Variants in HEBP1 observed in about 807,000 individuals in gnomAD.
HEBP1 encodes the protein heme binding protein 1.
In HEBP1, 13 loss-of-function variants were observed where a neutral mutation model predicts 20.4. That is an observed-to-expected ratio of 0.64 (90% CI 0.42 to 1.01). HEBP1 has a LOEUF of 1.01. HEBP1 is among the 50% of genes least tolerant of loss of function. The pLI is 0.00. For synonymous variants in HEBP1, 92 were observed against 90.7 expected (o/e 1.01, Z -0.08); for missense variants, 241 against 247.3 (o/e 0.97, Z 0.17).
rs771685474 is a variant in HEBP1, at chr12:13,000,239, A to AGGGCGGCAAGGCGGCGGGACGGCG, written c.-149_-126dup. ...CAGGGCGGCAGGGCGGCAGGGTGGC[A>AGGGCGGCAAGGCGGCGGGACGGCG]GGGCGGCAAGGCGGCGGGACGGCGA... On this transcript the variant is annotated 5_prime_UTR_variant, in exon 1 of 4. Transcript: ENST00000014930. 2,686 of 360,402 alleles carry AGGGCGGCAAGGCGGCGGGACGGCG rather than the reference A, an allele frequency of 7.5e-3. 24 individuals are homozygous for AGGGCGGCAAGGCGGCGGGACGGCG. Among genetic ancestry groups the AGGGCGGCAAGGCGGCGGGACGGCG allele is most frequent in the Non-Finnish European group, 9.6e-3 (1,954 of 204,168 alleles). 22.3% of individuals were successfully genotyped at this position (360,402 alleles called of 1,614,324 possible).
At chr12:12,982,518 C>T (rs1192650375) in intron 3 of HEBP1, among the ~76,000 whole-genome samples, 1 of 152,216 alleles carries the variant, frequency 6.6e-6, no homozygotes, top group Non-Finnish European at 1.5e-5. Flanking sequence ...TTCTTCCAAA[C>T]TTCTCTTTCT....
At position 12,986,649 on chromosome 12, in the gene HEBP1, G is replaced by A. The variant is rs1193250718; in HGVS notation, c.398+503C>T. The A allele has an allele frequency of 2.6e-5, 4 of 152,626 alleles. No homozygotes were observed. Among genetic ancestry groups the A allele is most frequent in the Non-Finnish European group, 5.8e-5 (4 of 68,378 alleles). The allele number at this position is 152,626 out of a possible 1,614,324, so 9.5% of individuals were successfully genotyped here. On this transcript the variant is annotated intron_variant, in intron 3 of 3. Transcript: ENST00000014930. The surrounding 1 kb of genome is among the most constrained non-coding windows in gnomAD (Gnocchi z 4.3). Reference sequence around the variant, plus strand: ...ACCCCACATGAAGTCCTGGAAACAGGACCAGGATGACAAGAGAATAGATGT... The same window carrying A: ...ACCCCACATGAAGTCCTGGAAACAGAACCAGGATGACAAGAGAATAGATGT...
chr12:12,976,774 A>G (rs1245221583), intron 3 of HEBP1, among the ~76,000 whole-genome samples: 3 of 152,266 alleles, frequency 2.0e-5, no homozygotes, highest in South Asian at 4.1e-4. Context: ...TGAAGAGATT[A>G]TAAGGGAGAT....
At position 12,989,328 on chromosome 12, in the gene HEBP1, G is replaced by A. The variant is rs781347916; in HGVS notation, c.166C>T (p.Arg56Trp). 90 of 1,614,068 alleles carry A rather than the reference G, an allele frequency of 5.6e-5. 1 individual carries two copies. The Admixed American group carries it at 1.2e-3, about 22-fold the overall frequency. The change falls in exon 2 of 4, where the codon CGG becomes TGG. Residue 56 changes from arginine (R) to tryptophan (W), a missense_variant. Coordinates refer to ENST00000014930, the MANE Select transcript of HEBP1 (RefSeq NM_015987.5). ...TTTGCGACCTTGGGCATTGCTTCCCGTAGAGCCTCATCCACAGGCTTATCT... is the reference window on the plus strand; with the variant it reads ...TTTGCGACCTTGGGCATTGCTTCCCATAGAGCCTCATCCACAGGCTTATCT... ...VTDKPVDEAL[R>W]EAMPKVAKYA...
chr12:12,978,533 C>T (rs1034809207), intron 3 of HEBP1, among the ~76,000 whole-genome samples: 3 of 151,928 alleles, frequency 2.0e-5, no homozygotes, highest in Non-Finnish European at 2.9e-5. Context: ...AGGACTGGCA[C>T]GATCCAATTG....
At chr12:12,985,065 T>C (rs1475189898) in intron 3 of HEBP1, among the ~76,000 whole-genome samples, 2 of 149,446 alleles carry the variant, frequency 1.3e-5, no homozygotes, top group Non-Finnish European at 3.0e-5. Flanking sequence ...GGAGAATTGC[T>C]TGAACCCAGG....
At chr12:12,997,323 T>C (rs1864303153) in intron 1 of HEBP1, among the ~76,000 whole-genome samples, 1 of 152,190 alleles carries the variant, frequency 6.6e-6, no homozygotes. Flanking sequence ...AGCACTTCGA[T>C]GCAAGGGATT....
At chr12:12,992,569 G>C in intron 1 of HEBP1, among the ~76,000 whole-genome samples, 1 of 152,164 alleles carries the variant, frequency 6.6e-6, no homozygotes. Context: ...ATGGGGTAGA[G>C]GAAATTGCGC....
intron 3 of HEBP1, chr12:12,980,280 G>A (rs1864060992): frequency 6.6e-6 from 1 of 152,242 alleles, no homozygotes; most frequent in African/African-American, 2.4e-5. Context: ...CATAAGAGCT[G>A]TAAGGATGAT....
rs75537597 is a variant in HEBP1, at chr12:12,982,442, A to G, written c.398+4710T>C. ...TTGAATTATCTAGGAACATGGGCAAACACTGGTCTGTAAATCTCCTAAGTG... is the reference window on the plus strand; with the variant it reads ...TTGAATTATCTAGGAACATGGGCAAGCACTGGTCTGTAAATCTCCTAAGTG... On this transcript the variant is annotated intron_variant, in intron 3 of 3. Transcript: ENST00000014930. Among the ~76,000 whole-genome samples the G allele has an allele frequency of 9.5e-4, 144 of 152,272 alleles. 1 individual carries two copies. The highest frequency in any genetic ancestry group is 3.3e-3 in the African/African-American group (138 of 41,542).
rs36210276 is a variant in HEBP1, at chr12:12,990,116, G to GCACACACA, written c.79-709_79-702dup. Among the ~76,000 whole-genome samples, 41 of 149,614 alleles carry GCACACACA rather than the reference G, an allele frequency of 2.7e-4. 1 individual carries two copies. Among genetic ancestry groups the GCACACACA allele is most frequent in the African/African-American group, 1.0e-3 (41 of 40,542 alleles). ...CAAGCAAATAGTTGCTACTCTCTGT[G>GCACACACA]CACACACACACACACACACACACAC... is the stretch of plus-strand genomic sequence containing the variant. On this transcript the variant is annotated intron_variant, in intron 1 of 3. Coordinates refer to ENST00000014930, the MANE Select transcript of HEBP1 (RefSeq NM_015987.5).
At chr12:12,999,431 A>G (rs1489542830) in intron 1 of HEBP1, among the ~76,000 whole-genome samples, 1 of 152,220 alleles carries the variant, frequency 6.6e-6, no homozygotes, top group Non-Finnish European at 1.5e-5. Flanking sequence ...CAAGCTAGCT[A>G]CTAAGTGACT....
At position 12,984,086 on chromosome 12, in the gene HEBP1, G is replaced by A. The variant is rs1305706032; in HGVS notation, c.398+3066C>T. ...TTTATAATTACACTCAAAAAACGAA[G>A]ATGCAGACCACTTTACCTTGAGGAT... On this transcript the variant is annotated intron_variant, in intron 3 of 3. Coordinates refer to ENST00000014930, the MANE Select transcript of HEBP1 (RefSeq NM_015987.5). 1.7e-5 allele frequency: 3 copies of A among 181,780 alleles called. No homozygotes were observed. The Admixed American group carries it at 1.8e-4, about 11-fold the overall frequency. 11.3% of individuals were successfully genotyped at this position (181,780 alleles called of 1,614,324 possible). A position where few individuals can be genotyped will look rare whatever the true frequency, so the allele number is the denominator to read the frequency against.
At chr12:12,981,922 CAG>C (rs1489513159) in intron 3 of HEBP1, among the ~76,000 whole-genome samples, 1 of 152,064 alleles carries the variant, frequency 6.6e-6, no homozygotes, top group East Asian at 1.9e-4. Flanking sequence ...TGGGACAGAG[CAG>C]AGAGAGAGAA....
At chr12:12,975,585 A>G in intron 3 of HEBP1, 106 bp from the exon 4 acceptor site, 1 of 967,486 alleles carries the variant, frequency 1.0e-6, no homozygotes, top group Non-Finnish European at 1.5e-6. Context: ...CAAGCATGCT[A>G]GAGTGGTAAG....
chr12:12,987,001 T>A, intron 3 of HEBP1, 151 bp downstream of exon 3: 1 of 704,168 alleles, frequency 1.4e-6, no homozygotes, highest in Non-Finnish European at 2.4e-6. Flanking sequence ...CCTGAAGAAA[T>A]TAAAATGAGA....
intron 1 of HEBP1, among the ~76,000 whole-genome samples, chr12:12,990,281 A>G (rs956714284): frequency 2.0e-5 from 3 of 151,108 alleles, no homozygotes; most frequent in East Asian, 3.9e-4. Context: ...CGATCCTCCT[A>G]CTTAGGCTTC....
intron 1 of HEBP1, among the ~76,000 whole-genome samples, chr12:12,990,286 G>A (rs915360790): frequency 2.6e-5 from 4 of 151,630 alleles, no homozygotes; most frequent in Admixed American, 6.6e-5. Flanking sequence ...CTCCTACTTA[G>A]GCTTCCTGAG....
At chr12:12,992,743 G>A (rs900571711) in intron 1 of HEBP1, among the ~76,000 whole-genome samples, 1 of 152,130 alleles carries the variant, frequency 6.6e-6, no homozygotes, top group Non-Finnish European at 1.5e-5. Context: ...TCTTTCTGTT[G>A]CTGCAGAGAA....
Sources: gnomAD v4.1 joint callset for allele counts (sites outside exome capture counted in the v4.1 genomes callset) on GRCh38, gnomAD v4.1.1 for gene constraint, Gnocchi (gnomAD v3.1) non-coding constraint, MANE v1.5 for transcripts, NCBI Gene and HGNC (gene_info 2026-07-23, HGNC 2026-07-21) for gene names.